The following CDH7 variants were observed in gnomAD, a reference collection of about 807,000 sequenced individuals.
CDH7 encodes the protein cadherin-7.
In CDH7, 25 loss-of-function variants were observed where a neutral mutation model predicts 71.8. That is an observed-to-expected ratio of 0.35 (90% CI 0.25 to 0.49). CDH7 has a LOEUF of 0.49. CDH7 is among the 20% of genes least tolerant of loss of function. The probability of loss-of-function intolerance (pLI) is 0.99; values close to 1 mark genes in which losing one functional copy is unlikely to be tolerated. For missense variants in CDH7, 862 were observed against 974.6 expected, an observed-to-expected ratio of 0.88 and a Z score of 1.54; for synonymous variants, 381 against 363.8, an observed-to-expected ratio of 1.05 and a Z score of -0.54.
intron 1 of CDH7, among the ~76,000 whole-genome samples, chr18:65,753,172 T>C (rs1251590398): frequency 6.6e-6 from 1 of 152,212 alleles, no homozygotes; most frequent in African/African-American, 2.4e-5. Context: ...TCCTGGGCAC[T>C]AGTGTCTTTA....
At chr18:65,810,838 T>A (rs10084063) in intron 3 of CDH7, among the ~76,000 whole-genome samples, 145,783 of 152,248 alleles carry the variant, frequency 0.96, 70,091 homozygotes, top group East Asian at 1. Flanking sequence ...CGGTAAGGAG[T>A]TACCCATTTG....
intron 4 of CDH7, 64 bp from the exon 5 acceptor site, chr18:65,822,017 T>C: frequency 8.1e-7 from 1 of 1,240,550 alleles, no homozygotes; most frequent in Non-Finnish European, 1.2e-6. Context: ...CTTGTATCAG[T>C]ATTCTTTGTT....
chr18:65,826,191 T>C (rs186400206), intron 6 of CDH7, among the ~76,000 whole-genome samples: 9 of 151,522 alleles, frequency 5.9e-5, no homozygotes, highest in African/African-American at 1.4e-4. Flanking sequence ...TTATGTCATC[T>C]AAAAGCATAA....
chr18:65,817,379 G>T (rs1021485381), intron 4 of CDH7, among the ~76,000 whole-genome samples: 23 of 152,026 alleles, frequency 1.5e-4, no homozygotes, highest in African/African-American at 5.3e-4. Context: ...TCCCCTACAG[G>T]TTGCAAAAAG....
At chr18:65,805,955 T>A (rs531468478) in intron 2 of CDH7, among the ~76,000 whole-genome samples, 1 of 152,060 alleles carries the variant, frequency 6.6e-6, no homozygotes, top group Non-Finnish European at 1.5e-5. Context: ...AAGTGAAAGG[T>A]TTGAAGATTC....
intron 7 of CDH7, among the ~76,000 whole-genome samples, chr18:65,849,684 A>G (rs949998267): frequency 6.6e-6 from 1 of 151,434 alleles, no homozygotes; most frequent in Non-Finnish European, 1.5e-5. Flanking sequence ...AAGTGCTGGG[A>G]TTACAGGTAT....
chr18:65,801,194 T>C (rs944782447), intron 2 of CDH7, among the ~76,000 whole-genome samples: 1 of 152,194 alleles, frequency 6.6e-6, no homozygotes, highest in Admixed American at 6.5e-5. Context: ...AGACATATAG[T>C]AGATAGTCCA....
At chr18:65,862,550 A>G (rs1913602727) in intron 10 of CDH7, 116 bp from the exon 11 acceptor site, 1 of 1,007,826 alleles carries the variant, frequency 9.9e-7, no homozygotes, top group Non-Finnish European at 1.5e-6. Context: ...ATAAATCTGC[A>G]ACTCCAGAGA....
rs1914295637 is a variant in CDH7, at chr18:65,883,713, AACAT to A, written c.*2820_*2823del. On this transcript the variant is annotated 3_prime_UTR_variant, in exon 12 of 12. Coordinates refer to ENST00000397968, the MANE Select transcript of CDH7 (RefSeq NM_004361.5). ...CTTTTCTCTGGAGAACAAGTTGTTA[AACAT>A]TTACCAGCACTCTACTGCTTAAATT... 1 of 152,118 alleles carries A rather than the reference AACAT, an allele frequency of 6.6e-6. No homozygotes were observed. Among genetic ancestry groups the A allele is most frequent in the Admixed American group, 6.6e-5 (1 of 15,266 alleles). 9.4% of individuals were successfully genotyped at this position (152,118 alleles called of 1,614,324 possible).
At chr18:65,803,809 C>T (rs1026036110) in intron 2 of CDH7, 8 of 149,214 alleles carry the variant, frequency 5.4e-5, no homozygotes, top group Non-Finnish European at 1.0e-4. Context: ...ATCTGGAATA[C>T]ACTTTTATTC....
At chr18:65,780,229 T>G (rs201143515) in intron 2 of CDH7, among the ~76,000 whole-genome samples, 10 of 118,692 alleles carry the variant, frequency 8.4e-5, no homozygotes, top group Non-Finnish European at 1.2e-4. Flanking sequence ...AGTAGGTTGC[T>G]AAAATTTTCT....
chr18:65,876,781 A>AT (rs1473803907), intron 11 of CDH7, among the ~76,000 whole-genome samples: 1 of 152,224 alleles, frequency 6.6e-6, no homozygotes, highest in Non-Finnish European at 1.5e-5. Context: ...AGTAAATGTT[A>AT]TATGTCTGCT....
intron 11 of CDH7, among the ~76,000 whole-genome samples, chr18:65,870,477 T>C (rs1473286216): frequency 6.6e-6 from 1 of 152,102 alleles, no homozygotes; most frequent in Admixed American, 6.5e-5. Flanking sequence ...CGTCTCTGCT[T>C]GAAACATTTC....
At chr18:65,854,020 T>C (rs1913256819) in intron 7 of CDH7, among the ~76,000 whole-genome samples, 1 of 142,882 alleles carries the variant, frequency 7.0e-6, no homozygotes, top group South Asian at 2.3e-4. Context: ...TTAGAAGGGG[T>C]CTGGGCGTGG....
rs144239329 is a variant in CDH7, at chr18:65,854,421, G to C, written c.1236-3395G>C. On this transcript the variant is annotated intron_variant, in intron 7 of 11. Transcript: ENST00000397968. ...TTTTTCAAAACAGATAGAGTCCTAG[G>C]TTATAACTAGATCCCTAAATTATTT... 1.8e-3 allele frequency among the ~76,000 whole-genome samples: 270 copies of C among 152,144 alleles called. 1 individual carries two copies. Among genetic ancestry groups the C allele is most frequent in the African/African-American group, 6.4e-3 (265 of 41,504 alleles).
chr18:65,805,281 G>T (rs113581186), intron 2 of CDH7, among the ~76,000 whole-genome samples: 1 of 152,108 alleles, frequency 6.6e-6, no homozygotes, highest in African/African-American at 2.4e-5. Context: ...AATTTGCATC[G>T]AGCTGAATTG....
chr18:65,857,100 G>A (rs1055636618), intron 7 of CDH7, among the ~76,000 whole-genome samples: 5 of 151,490 alleles, frequency 3.3e-5, no homozygotes, highest in Admixed American at 6.6e-5. Context: ...AAATGGGCAA[G>A]ATGTTTACAT....
chr18:65,826,270 T>C (rs1055655985), intron 6 of CDH7, among the ~76,000 whole-genome samples: 1 of 151,334 alleles, frequency 6.6e-6, no homozygotes, highest in South Asian at 2.1e-4. Context: ...TCACAAATAA[T>C]CATTATTATT....
At chr18:65,842,689 T>A in intron 6 of CDH7, among the ~76,000 whole-genome samples, 1 of 152,038 alleles carries the variant, frequency 6.6e-6, no homozygotes, top group East Asian at 1.9e-4. Context: ...TCGGAATAAA[T>A]GCGTGCCTGC....
Sources: gnomAD v4.1 joint callset for allele counts (sites outside exome capture counted in the v4.1 genomes callset) on GRCh38, gnomAD v4.1.1 for gene constraint, MANE v1.5 for transcripts, NCBI Gene and HGNC (gene_info 2026-07-23, HGNC 2026-07-21) for gene names.